CALN1: variants seen among roughly 807,000 people sequenced by gnomAD.
CALN1 encodes calcium-binding protein 8.
Under a neutral mutation model 30.6 loss-of-function variants are expected in CALN1, and 17 were observed. The ratio of observed to expected loss-of-function variants is 0.56; its 90% confidence interval spans 0.38 to 0.83. CALN1 has a LOEUF of 0.83. Among genes scored for constraint, CALN1 ranks in the 40% least tolerant of loss-of-function variants. The pLI, the probability that CALN1 is intolerant of heterozygous loss-of-function variation, is 0.00. For synonymous variants in CALN1, 156 were observed against 131.4 expected (o/e 1.19, Z -1.28); for missense variants, 291 against 354.9 (o/e 0.82, Z 1.45).
chr7:72,327,797 C>A (rs1314683001), intron 2 of CALN1, among the ~76,000 whole-genome samples: 1 of 152,140 alleles, frequency 6.6e-6, no homozygotes, highest in Non-Finnish European at 1.5e-5. Flanking sequence ...CAGTAACACT[C>A]TGAATACTAA....
intron 5 of CALN1, among the ~76,000 whole-genome samples, chr7:71,846,339 G>A (rs1790233942): frequency 6.6e-6 from 1 of 152,134 alleles, no homozygotes; most frequent in Non-Finnish European, 1.5e-5. Context: ...GCCAGGCAGA[G>A]GTTATGGCCA....
intron 5 of CALN1, among the ~76,000 whole-genome samples, chr7:71,985,212 C>T (rs1201960346): frequency 1.3e-5 from 2 of 152,108 alleles, no homozygotes; most frequent in African/African-American, 4.8e-5. Flanking sequence ...AAGTGAAAAG[C>T]AGAGCAAATC....
the CALN1 span, among the ~76,000 whole-genome samples, chr7:72,465,107 C>T: frequency 6.6e-6 from 1 of 152,148 alleles, no homozygotes; most frequent in Admixed American, 6.5e-5. Context: ...ATCTCAGATG[C>T]CTCTCTCTGC....
intron 5 of CALN1, among the ~76,000 whole-genome samples, chr7:71,812,322 C>T (rs192151390): frequency 1.3e-5 from 2 of 152,274 alleles, no homozygotes; most frequent in African/African-American, 4.8e-5. Context: ...AAGAGGCTAC[C>T]ATAACCAAAA....
chr7:72,327,805 T>C (rs989290760), intron 2 of CALN1, among the ~76,000 whole-genome samples: 1 of 152,184 alleles, frequency 6.6e-6, no homozygotes, highest in Non-Finnish European at 1.5e-5. Flanking sequence ...CTCTGAATAC[T>C]AAAAAGGCAA....
At chr7:71,896,164 G>A (rs974302203) in intron 5 of CALN1, among the ~76,000 whole-genome samples, 9 of 152,162 alleles carry the variant, frequency 5.9e-5, no homozygotes, top group East Asian at 1.9e-4. Flanking sequence ...TTTTTTAACC[G>A]TCCATTCATT....
At chr7:72,263,695 C>T (rs558863238) in intron 3 of CALN1, among the ~76,000 whole-genome samples, 7 of 152,318 alleles carry the variant, frequency 4.6e-5, no homozygotes, top group African/African-American at 1.7e-4. Flanking sequence ...GGATTACAGG[C>T]ACGAGCCACC....
Position 72,093,357 on chromosome 7 carries a change from G to A in CALN1, c.388+12794C>T, listed in dbSNP as rs554013716. Among the ~76,000 whole-genome samples the A allele has an allele frequency of 5.3e-5, 8 of 152,188 alleles. No homozygotes were observed. The South Asian group carries it at 6.2e-4, about 12-fold the overall frequency. ...AATCTCACTTCTAGGAATCCAGCAC[G>A]GTTTCTGCATTGAAGATGGCACCGT... On this transcript the variant is annotated intron_variant, in intron 4 of 6. Transcript: ENST00000395275.
chr7:72,180,645 T>C (rs1004514637), intron 3 of CALN1, among the ~76,000 whole-genome samples: 2 of 144,696 alleles, frequency 1.4e-5, no homozygotes, highest in African/African-American at 5.1e-5. Context: ...TCTCACAGTG[T>C]GGGTCATGCT....
intron 3 of CALN1, among the ~76,000 whole-genome samples, chr7:72,191,552 CAAAAAAAAAAAA>C (rs55780039): frequency 0.41 from 29,675 of 72,568 alleles, 3,585 homozygotes; most frequent in Middle Eastern, 0.52. Flanking sequence ...GACTCCGTCT[CAAAAAAAAAAAA>C]AAAAAAAAAA....
rs1026620844 is a variant in CALN1, at chr7:72,034,828, G to C, written c.389-11059C>G. The stretch of plus-strand genomic sequence containing the variant: ...AAAAAAAAAAAAAAAAAGTCTCCAG[G>C]ATCTATAGGAAGATCCCTAAGATCT... On this transcript the variant is annotated intron_variant, in intron 4 of 6. Coordinates refer to ENST00000395275, the MANE Select transcript of CALN1 (RefSeq NM_031468.4). Among the ~76,000 whole-genome samples, 14 of 148,026 alleles carry C rather than the reference G, an allele frequency of 9.5e-5. No homozygotes were observed. In the Admixed American group the frequency reaches 9.5e-4, roughly 10 times the overall value.
At chr7:72,079,352 T>C (rs1429123937) in intron 4 of CALN1, among the ~76,000 whole-genome samples, 1 of 152,178 alleles carries the variant, frequency 6.6e-6, no homozygotes, top group Non-Finnish European at 1.5e-5. Context: ...CTATTCCCAC[T>C]AGAATATAAA....
intron 5 of CALN1, among the ~76,000 whole-genome samples, chr7:71,902,673 C>T (rs1171712639): frequency 6.6e-6 from 1 of 152,124 alleles, no homozygotes; most frequent in Non-Finnish European, 1.5e-5. Flanking sequence ...TTATACCAAA[C>T]TATATGTATA....
At chr7:72,128,428 C>A (rs149485052) in intron 3 of CALN1, among the ~76,000 whole-genome samples, 1,885 of 152,232 alleles carry the variant, frequency 0.012, 38 homozygotes, top group African/African-American at 0.043. Context: ...TACCAAAATA[C>A]ATCCCAAAAC....
intron 3 of CALN1, among the ~76,000 whole-genome samples, chr7:72,124,523 G>A (rs563964215): frequency 1.7e-4 from 26 of 152,072 alleles, no homozygotes; most frequent in Non-Finnish European, 2.9e-4. Context: ...ACATAACTGC[G>A]TGCCTGTAGT....
At chr7:72,280,499 A>T (rs1320062924) in intron 2 of CALN1, among the ~76,000 whole-genome samples, 3 of 152,240 alleles carry the variant, frequency 2.0e-5, no homozygotes, top group African/African-American at 7.2e-5. Flanking sequence ...GAATACAAGA[A>T]TCTTTCTCTA....
At chr7:72,297,293 A>G (rs1798930636) in intron 2 of CALN1, among the ~76,000 whole-genome samples, 1 of 152,118 alleles carries the variant, frequency 6.6e-6, no homozygotes, top group Non-Finnish European at 1.5e-5. Context: ...AAAAATAACA[A>G]CAAAATAAAT....
intron 3 of CALN1, among the ~76,000 whole-genome samples, chr7:72,144,302 CA>C (rs1034377002): frequency 1.3e-5 from 2 of 151,526 alleles, no homozygotes; most frequent in Non-Finnish European, 2.9e-5. Context: ...AAATGGAAAA[CA>C]AAAAAAGGCA....
chr7:72,093,145 CTAGT>C (rs1169777152), intron 4 of CALN1, among the ~76,000 whole-genome samples: 1 of 152,134 alleles, frequency 6.6e-6, no homozygotes, highest in Non-Finnish European at 1.5e-5. Context: ...CTCTCACATA[CTAGT>C]TAAAGCAAAA....
Sources: allele counts gnomAD v4.1 joint callset (sites outside exome capture counted in the v4.1 genomes callset), GRCh38; gene constraint gnomAD v4.1.1; transcripts MANE v1.5; gene names NCBI Gene and HGNC (gene_info 2026-07-23, HGNC 2026-07-21).